CHD7: variants seen among roughly 807,000 people sequenced by gnomAD.
The protein encoded by CHD7 is ATP-dependent chromatin remodeler CHD7.
In CHD7, 24 loss-of-function variants were observed where a neutral mutation model predicts 307.3. The observed-to-expected ratio is 0.08, with a 90% CI of 0.06 to 0.11. The LOEUF (loss-of-function observed/expected upper bound fraction) is 0.11, where lower values mean the gene tolerates loss of function less well. Ranked by LOEUF, CHD7 falls within the 10% of genes least tolerant of loss-of-function variation. The probability of loss-of-function intolerance (pLI) is 1.00; values close to 1 mark genes in which losing one functional copy is unlikely to be tolerated. For synonymous variants in CHD7, 1,363 were observed against 1,349.9 expected (o/e 1.01, Z -0.21); for missense variants, 3,106 against 3,727.1 (o/e 0.83, Z 4.34).
chr8:60,781,878 G>A (rs1338561873), intron 3 of CHD7, among the ~76,000 whole-genome samples: 3 of 152,146 alleles, frequency 2.0e-5, no homozygotes, highest in Admixed American at 6.5e-5. Context: ...TCCACTTGGC[G>A]GAGTAAGCCT....
chr8:60,743,848 C>T (rs772295802), intron 2 of CHD7, among the ~76,000 whole-genome samples: 3 of 152,080 alleles, frequency 2.0e-5, no homozygotes, highest in Non-Finnish European at 4.4e-5. Context: ...TAAATTAATG[C>T]CTGTGTATAC....
chr8:60,680,130 C>T (rs915344535), intron 1 of CHD7, among the ~76,000 whole-genome samples: 1 of 151,732 alleles, frequency 6.6e-6, no homozygotes, highest in Non-Finnish European at 1.5e-5. Context: ...GGGTCAGCGC[C>T]GGTGGGGGGT....
intron 1 of CHD7, among the ~76,000 whole-genome samples, chr8:60,686,791 C>A (rs191277378): frequency 6.6e-6 from 1 of 152,288 alleles, no homozygotes; most frequent in East Asian, 1.9e-4. Context: ...ACCATATTTG[C>A]AGTATGTCTA....
intron 2 of CHD7, among the ~76,000 whole-genome samples, chr8:60,761,008 C>T (rs1376830366): frequency 6.6e-6 from 1 of 152,062 alleles, no homozygotes. Context: ...ACCCAAAGGA[C>T]TATAAATCAT....
At chr8:60,850,862 T>A (rs1235960724) in intron 26 of CHD7, 170 bp from the exon 27 acceptor site, 1 of 677,396 alleles carries the variant, frequency 1.5e-6, no homozygotes, top group African/African-American at 1.8e-5. Context: ...CCAGACCCCC[T>A]CCACCACACT....
chr8:60,782,009 C>G (rs1811262805), intron 3 of CHD7, among the ~76,000 whole-genome samples: 1 of 152,304 alleles, frequency 6.6e-6, no homozygotes, highest in South Asian at 2.1e-4. Context: ...CTCTTTCACT[C>G]CATATTCCCC....
At chr8:60,817,892 G>A (rs13438807) in intron 8 of CHD7, among the ~76,000 whole-genome samples, 8,376 of 152,130 alleles carry the variant, frequency 0.055, 637 homozygotes, top group African/African-American at 0.17. Flanking sequence ...AGGCAAAAGC[G>A]CAATGGTAGC....
At chr8:60,771,568 A>T (rs1221875640) in intron 2 of CHD7, among the ~76,000 whole-genome samples, 5 of 152,116 alleles carry the variant, frequency 3.3e-5, no homozygotes, top group African/African-American at 1.2e-4. Context: ...TTCCTCTCTC[A>T]GTTTCCGTAG....
intron 1 of CHD7, among the ~76,000 whole-genome samples, chr8:60,717,033 CTTTT>C (rs57809302): frequency 1.5e-5 from 2 of 134,966 alleles, no homozygotes; most frequent in Non-Finnish European, 3.2e-5. Context: ...TACCTTAAGC[CTTTT>C]TTTTTTTTTT....
chr8:60,796,237 G>T, intron 4 of CHD7, among the ~76,000 whole-genome samples: 1 of 152,176 alleles, frequency 6.6e-6, no homozygotes, highest in East Asian at 1.9e-4. Context: ...GGCAGTGTGG[G>T]TTATTATGTA....
chr8:60,757,104 A>C (rs565791518), intron 2 of CHD7, among the ~76,000 whole-genome samples: 60 of 152,278 alleles, frequency 3.9e-4, no homozygotes, highest in African/African-American at 1.3e-3. Flanking sequence ...TTGGGGCCTT[A>C]AAAAATGACT....
rs771073528 is a variant in CHD7, at chr8:60,741,635, A to G, written c.203A>G (p.His68Arg). 2.5e-6 allele frequency: 4 copies of G among 1,613,830 alleles called. No homozygotes were observed. The South Asian group carries it at 4.4e-5, about 18-fold the overall frequency. ...AATCAAAATCAAACAAAGCTGACAC[A>G]TTTTGATCACTATAATCAGTATGAA... is the stretch of plus-strand genomic sequence containing the variant. ...STNQNQTKLT[H>R]FDHYNQYEQQ... is the part of the protein sequence containing the mutation. The change falls in exon 2 of 38, where the codon CAT becomes CGT. Residue 68 changes from histidine (H) to arginine (R), a missense_variant. Around this residue, in one of 10 missense-constraint regions of CHD7, gnomAD observed 998 missense variants for 1,004.5 expected, o/e 0.99. Coordinates refer to ENST00000423902, the MANE Select transcript of CHD7 (RefSeq NM_017780.4).
chr8:60,853,364 T>C lies in CHD7; in HGVS notation c.6639T>C (p.Ser2213=), dbSNP rs1303965802. The change falls in exon 31 of 38, where the codon TCT becomes TCC. Residue 2213 remains serine, a synonymous_variant. Transcript: ENST00000423902. Reference sequence around the variant, plus strand: ...AGGAATGTGAGGCAGAGGCCAGCTCTGTGAAAAATGAACTGAAAGGTGTTG... The same window carrying C: ...AGGAATGTGAGGCAGAGGCCAGCTCCGTGAAAAATGAACTGAAAGGTGTTG... The part of the protein sequence containing the change: ...SKQECEAEAS[S]VKNELKGVEV... The C allele has an allele frequency of 2.6e-6, 4 of 1,558,566 alleles. No homozygotes were observed. The highest frequency in any genetic ancestry group is 3.5e-6 in the Non-Finnish European group (4 of 1,155,784).
chr8:60,802,973 T>G (rs1443345067), intron 6 of CHD7, among the ~76,000 whole-genome samples: 1 of 152,192 alleles, frequency 6.6e-6, no homozygotes, highest in Non-Finnish European at 1.5e-5. Context: ...CAGTTGAGTA[T>G]AGGGGATACG....
At chr8:60,740,911 T>G (rs1317247173) in intron 1 of CHD7, among the ~76,000 whole-genome samples, 1 of 152,242 alleles carries the variant, frequency 6.6e-6, no homozygotes, top group Non-Finnish European at 1.5e-5. Flanking sequence ...GCTATATTCA[T>G]ACATCTGCTT....
rs201046385 is a variant in CHD7, at chr8:60,856,157, C to T, written c.7119C>T (p.Ser2373=). ...FAELSMVGQA[S]ISGSEDITTS... is the part of the protein sequence containing the mutation. ...AGCTCTCCATGGTCGGCCAAGCCAG[C>T]ATTAGTGGGAGTGAGGACATCACTA... Residue 2373 remains serine, a synonymous_variant, in exon 33 of 38, where the codon AGC becomes AGT. Transcript: ENST00000423902. The T allele has an allele frequency of 2.5e-5, 40 of 1,605,934 alleles. No homozygotes were observed. The Admixed American group carries it at 5.3e-4, about 21-fold the overall frequency.
Position 60,837,831 on chromosome 8 carries a change from A to G in CHD7, c.4349A>G (p.Asn1450Ser), listed in dbSNP as rs371850160. The change falls in exon 18 of 38, where the codon AAT (asparagine) becomes AGT (serine). Residue 1450 changes from asparagine (N) to serine (S), a missense_variant. Physicochemically the swap from Asn to Ser is conservative, Grantham distance 46. Transcript: ENST00000423902. ...ATGAGTGGAAGAGAAAATGCTACCA[A>G]TGGGGTAAAACCACCCTTGCCCAAA... ...QSMSGRENAT[N>S]GVQQLSKKEI... is the part of the protein sequence containing the mutation. The G allele has an allele frequency of 6.8e-6, 11 of 1,612,334 alleles. No individual in the cohort carries two copies. The highest frequency in any genetic ancestry group is 9.3e-6 in the Non-Finnish European group (11 of 1,178,782).
chr8:60,773,058 A>G (rs905936206), intron 2 of CHD7, among the ~76,000 whole-genome samples: 2 of 152,178 alleles, frequency 1.3e-5, no homozygotes, highest in African/African-American at 4.8e-5. Context: ...AATATCACCC[A>G]CCTCACCAAC....
chr8:60,719,968 G>A (rs1288106070), intron 1 of CHD7, among the ~76,000 whole-genome samples: 3 of 152,260 alleles, frequency 2.0e-5, no homozygotes, highest in African/African-American at 7.2e-5. Context: ...CATGCATGAA[G>A]TAGGAAGTGA....
Sources: gnomAD v4.1 joint callset for allele counts (sites outside exome capture counted in the v4.1 genomes callset) on GRCh38, gnomAD v4.1.1 for gene constraint, gnomAD v4.1.1 regional missense constraint, MANE v1.5 for transcripts, NCBI Gene and HGNC (gene_info 2026-07-23, HGNC 2026-07-21) for gene names.